The following BMP7 variants were observed in gnomAD, a reference collection of about 807,000 sequenced individuals.
BMP7 encodes the protein osteogenic protein 1.
BMP7 carries 12 observed loss-of-function variants against 41.2 expected under a neutral mutation model. The ratio of observed to expected loss-of-function variants is 0.29; its 90% CI spans 0.19 to 0.47. BMP7 has a LOEUF of 0.47. Ranked by LOEUF, BMP7 falls within the 20% of genes least tolerant of loss-of-function variation. The pLI, the probability that BMP7 is intolerant of heterozygous loss-of-function variation, is 0.99. For missense variants in BMP7, 467 were observed against 606.0 expected (o/e 0.77, Z 2.41); for synonymous variants, 248 against 250.0 (o/e 0.99, Z 0.07).
chr20:57,255,781 T>C (rs1354633156), intron 1 of BMP7, among the ~76,000 whole-genome samples: 4 of 110,258 alleles, frequency 3.6e-5, no homozygotes, highest in Admixed American at 2.9e-4. Context: ...GCCTGGGGGA[T>C]AGCGAGAGAC....
chr20:57,221,795 G>T (rs1342792975), intron 2 of BMP7, among the ~76,000 whole-genome samples: 1 of 129,694 alleles, frequency 7.7e-6, no homozygotes, highest in East Asian at 2.5e-4. Context: ...GAGCAACAGA[G>T]CAAGACCCTA....
rs984968643 is a variant in BMP7 at position 57,215,989 on chromosome 20, A to G, written c.611+12240T>C. 6.6e-6 allele frequency: 1 copy of G among 152,188 alleles called. No homozygotes were observed. The highest frequency in any genetic ancestry group is 1.5e-5 in the Non-Finnish European group (1 of 68,038). 9.4% of individuals were successfully genotyped at this position (152,188 alleles called of 1,614,324 possible). A position where few individuals can be genotyped will look rare whatever the true frequency, so the allele number is the denominator to read the frequency against. On this transcript the variant is annotated intron_variant, in intron 2 of 6. Coordinates refer to ENST00000395863, the MANE Select transcript of BMP7 (RefSeq NM_001719.3). The surrounding 1 kb of genome is among the most constrained non-coding windows in gnomAD (Gnocchi z 4.2). ...CAGCAAAGCAGGGCGACAAGGGGAA[A>G]GAAACTTGACAGTGCTTTGCAGACA...
chr20:57,255,821 AAAAG>A (rs1223644243), intron 1 of BMP7, among the ~76,000 whole-genome samples: 3 of 149,994 alleles, frequency 2.0e-5, no homozygotes, highest in Admixed American at 6.6e-5. Context: ...AAAAAAAAAA[AAAAG>A]AAAGAAAGAA....
At chr20:57,231,166 T>C (rs1477229422) in intron 1 of BMP7, among the ~76,000 whole-genome samples, 2 of 152,222 alleles carry the variant, frequency 1.3e-5, no homozygotes, top group Non-Finnish European at 2.9e-5. Context: ...CCTCATACAC[T>C]ATATCATCTT....
At chr20:57,235,572 G>C (rs111639097) in intron 1 of BMP7, among the ~76,000 whole-genome samples, 10 of 152,248 alleles carry the variant, frequency 6.6e-5, no homozygotes, top group African/African-American at 2.4e-4. Context: ...GCAGGTGAGG[G>C]TTCTTCCAGG....
At chr20:57,176,064 G>C (rs944782733) in intron 4 of BMP7, among the ~76,000 whole-genome samples, 1 of 152,258 alleles carries the variant, frequency 6.6e-6, no homozygotes, top group African/African-American at 2.4e-5. Context: ...CAGGAGTCAG[G>C]AAGTGGTTCA....
In BMP7 at chr20:57,173,206, C is replaced by G. The variant is rs1213572809; in HGVS notation, c.1140G>C (p.Gln380His). 1 of 1,613,736 alleles carries G rather than the reference C, an allele frequency of 6.2e-7. No individual in the cohort carries two copies. The highest frequency in any genetic ancestry group is 8.5e-7 in the Non-Finnish European group (1 of 1,179,718). The change falls in exon 6 of 7, where the codon CAG becomes CAC. Residue 380 changes from glutamine to histidine, a missense_variant. Gln to His is a conservative substitution (Grantham distance 24). This residue lies in a region of BMP7 where 60 missense variants were observed against 120.1 expected (regional missense o/e 0.50). Coordinates refer to ENST00000395863, the MANE Select transcript of BMP7 (RefSeq NM_001719.3). The part of the protein sequence containing the change: ...YMNATNHAIV[Q>H]TLVHFINPET... ...AAGATGGCGTGACACCCACCAGCGT[C>G]TGCACGATGGCGTGGTTGGTGGCGT...
At chr20:57,187,554 C>CCTCTCTCTCTCTCTCTCTCT (rs140073062) in intron 3 of BMP7, among the ~76,000 whole-genome samples, 1 of 144,020 alleles carries the variant, frequency 6.9e-6, no homozygotes, top group Non-Finnish European at 1.5e-5. Context: ...GGAAGCCTGC[C>CCTCTCTCTCTCTCTCTCTCT]CTCTCTCTCT....
chr20:57,255,242 C>T (rs1235757139), intron 1 of BMP7, among the ~76,000 whole-genome samples: 2 of 152,184 alleles, frequency 1.3e-5, no homozygotes, highest in African/African-American at 2.4e-5. Context: ...ACACATCTGC[C>T]CCACACTTCC....
rs8120405 is a variant in BMP7, at chr20:57,186,756, C to T, written c.761-2837G>A. Among the ~76,000 whole-genome samples the T allele has an allele frequency of 7.6e-4, 116 of 152,282 alleles. 1 individual carries two copies. The highest frequency in any genetic ancestry group is 2.7e-3 in the African/African-American group (111 of 41,546). ...CCAGACGGGCCAGAAGTCAAGAAAC[C>T]CAGCCTCCCAGGACCAGATCAGCAC... On this transcript the variant is annotated intron_variant, in intron 3 of 6. Coordinates refer to ENST00000395863, the MANE Select transcript of BMP7 (RefSeq NM_001719.3).
chr20:57,258,160 C>T (rs2066141088), intron 1 of BMP7, among the ~76,000 whole-genome samples: 1 of 152,168 alleles, frequency 6.6e-6, no homozygotes, highest in South Asian at 2.1e-4. Context: ...CTCAGAGATG[C>T]AGGGAAACCT....
chr20:57,225,237 A>T (rs754317083), intron 2 of BMP7, among the ~76,000 whole-genome samples: 18 of 152,258 alleles, frequency 1.2e-4, no homozygotes, highest in Non-Finnish European at 2.1e-4. Flanking sequence ...GAGCTGGAGG[A>T]AGCGTGGGGG....
intron 1 of BMP7, among the ~76,000 whole-genome samples, chr20:57,252,746 G>A (rs773978308): frequency 3.0e-4 from 46 of 152,314 alleles, no homozygotes; most frequent in Non-Finnish European, 6.3e-4. Context: ...ATCTAGAAAT[G>A]CTGTTTTTCC....
At chr20:57,177,045 C>A (rs1336648671) in intron 4 of BMP7, among the ~76,000 whole-genome samples, 3 of 152,156 alleles carry the variant, frequency 2.0e-5, no homozygotes, top group African/African-American at 7.2e-5. Context: ...CTCCCATGGA[C>A]CACACACTGC....
chr20:57,218,766 GTGTT>G (rs374046153), intron 2 of BMP7, among the ~76,000 whole-genome samples: 2,093 of 148,654 alleles, frequency 0.014, 68 homozygotes, highest in African/African-American at 0.049. Context: ...GTGGTAGCTG[GTGTT>G]TGTTTGGTGG....
chr20:57,228,112 G>A lies in BMP7; in HGVS notation c.611+117C>T, dbSNP rs1188035340. On this transcript the variant is annotated intron_variant, in intron 2 of 6. Transcript: ENST00000395863. The surrounding 1 kb of genome is among the most constrained non-coding windows in gnomAD (Gnocchi z 4.5). ...CACCTTCTTTAGAAGGGATAATCTGGTACAGGGCCTGGCACGTGGTTGTGC... is the reference window on the plus strand; with the variant it reads ...CACCTTCTTTAGAAGGGATAATCTGATACAGGGCCTGGCACGTGGTTGTGC... 2.6e-6 allele frequency: 3 copies of A among 1,150,308 alleles called. No individual in the cohort carries two copies. The highest frequency in any genetic ancestry group is 3.9e-6 in the Non-Finnish European group (3 of 763,472). The allele number at this position is 1,150,308 out of a possible 1,614,324, so 71.3% of individuals were successfully genotyped here. A position where few individuals can be genotyped will look rare whatever the true frequency, so the allele number is the denominator to read the frequency against.
chr20:57,233,706 C>G (rs1331559502), intron 1 of BMP7, among the ~76,000 whole-genome samples: 3 of 152,216 alleles, frequency 2.0e-5, no homozygotes, highest in Admixed American at 2.0e-4. Flanking sequence ...GCAAACCCCT[C>G]ACTAAGTTAT....
At chr20:57,229,459 G>A (rs1002062088) in intron 1 of BMP7, among the ~76,000 whole-genome samples, 1 of 152,170 alleles carries the variant, frequency 6.6e-6, no homozygotes, top group Non-Finnish European at 1.5e-5. Flanking sequence ...TAGATGATAA[G>A]CACCAAGATG....
chr20:57,179,591 C>A (rs978710778), intron 4 of BMP7, among the ~76,000 whole-genome samples: 1 of 152,198 alleles, frequency 6.6e-6, no homozygotes, highest in African/African-American at 2.4e-5. Context: ...GGAGCATGTG[C>A]CCCCGCCCCA....
Sources: gnomAD v4.1 joint callset for allele counts (sites outside exome capture counted in the v4.1 genomes callset) on GRCh38, gnomAD v4.1.1 for gene constraint, gnomAD v4.1.1 regional missense constraint, Gnocchi (gnomAD v3.1) non-coding constraint, MANE v1.5 for transcripts, NCBI Gene and HGNC (gene_info 2026-07-23, HGNC 2026-07-21) for gene names.